The following VPS8 variants were observed in gnomAD, a reference collection of about 807,000 sequenced individuals.
VPS8 encodes vacuolar protein sorting-associated protein 8 homolog.
VPS8 carries 129 observed loss-of-function variants against 216.4 expected under a neutral mutation model. The ratio of observed to expected loss-of-function variants is 0.60; its 90% CI spans 0.52 to 0.69. The LOEUF is 0.69. Among genes scored for constraint, VPS8 ranks in the 30% least tolerant of loss-of-function variants. The pLI is 0.00. For synonymous variants in VPS8, 571 were observed against 565.4 expected (o/e 1.01, Z -0.14); for missense variants, 1,531 against 1,683.5 (o/e 0.91, Z 1.59).
At chr3:184,875,822 CAAAA>C (rs59957370) in intron 21 of VPS8, among the ~76,000 whole-genome samples, 3 of 72,544 alleles carry the variant, frequency 4.1e-5, no homozygotes, top group African/African-American at 1.1e-4. Context: ...CTTGTCTCTA[CAAAA>C]AAAAAAAAAA....
intron 15 of VPS8, 57 bp from the exon 16 acceptor site, chr3:184,862,840 C>T: frequency 6.5e-7 from 1 of 1,547,328 alleles, no homozygotes; most frequent in East Asian, 2.3e-5. Context: ...TCTTCTTGAC[C>T]CAAATGATGA....
intron 5 of VPS8, 195 bp downstream of exon 5, chr3:184,834,937 C>T (rs752199115): frequency 2.9e-4 from 135 of 459,912 alleles, no homozygotes; most frequent in Admixed American, 5.8e-4. Flanking sequence ...TTAGTGCAGC[C>T]ATGAAAATAA....
At chr3:185,009,823 G>T (rs1754752747) in intron 45 of VPS8, among the ~76,000 whole-genome samples, 1 of 151,998 alleles carries the variant, frequency 6.6e-6, no homozygotes, top group Non-Finnish European at 1.5e-5. Flanking sequence ...AGGGGACAGG[G>T]CTCAGAGTCC....
chr3:184,968,923 A>G lies in VPS8; in HGVS notation c.3316+2210A>G, dbSNP rs544346645. Among the ~76,000 whole-genome samples the G allele has an allele frequency of 2.2e-4, 33 of 152,284 alleles. No individual in the cohort carries two copies. In the South Asian group the frequency reaches 3.5e-3, roughly 16 times the overall value. On this transcript the variant is annotated intron_variant, in intron 39 of 47. Transcript: ENST00000625842. Reference sequence around the variant, plus strand: ...ATTAAGGTCCTAGATGATAGGGTCTATGTTGTTTTATGATCATCAGGTATT... The same window carrying G: ...ATTAAGGTCCTAGATGATAGGGTCTGTGTTGTTTTATGATCATCAGGTATT...
At chr3:184,855,939 T>C (rs1388870456) in intron 14 of VPS8, 121 bp downstream of exon 14, 1 of 715,886 alleles carries the variant, frequency 1.4e-6, no homozygotes, top group Non-Finnish European at 2.2e-6. Flanking sequence ...GTGACCTATT[T>C]AATTTTTATC....
chr3:184,849,692 A>G, intron 9 of VPS8: 1 of 489,570 alleles, frequency 2.0e-6, no homozygotes, highest in South Asian at 2.7e-5. Flanking sequence ...TTTGTCTCTC[A>G]GTATGAGAAC....
At chr3:185,031,962 G>A (rs565615038) in intron 46 of VPS8, among the ~76,000 whole-genome samples, 190 of 152,194 alleles carry the variant, frequency 1.2e-3, no homozygotes, top group African/African-American at 4.2e-3. Context: ...TCAGGAGTTC[G>A]AGACCAGCCT....
chr3:184,957,027 T>A (rs989509244), intron 36 of VPS8, among the ~76,000 whole-genome samples: 18 of 152,230 alleles, frequency 1.2e-4, no homozygotes, highest in Admixed American at 4.6e-4. Flanking sequence ...GGAAGATGGT[T>A]ATATATAGTT....
chr3:184,996,588 T>C, intron 44 of VPS8, 87 bp downstream of exon 44: 7 of 1,445,762 alleles, frequency 4.8e-6, no homozygotes, highest in Non-Finnish European at 6.5e-6. Flanking sequence ...ACACGGGTAG[T>C]CATTCTAGCA....
At chr3:184,892,201 T>C (rs933597467) in intron 22 of VPS8, among the ~76,000 whole-genome samples, 1 of 152,128 alleles carries the variant, frequency 6.6e-6, no homozygotes, top group South Asian at 2.1e-4. Flanking sequence ...ATATGAGAGC[T>C]ACAAATTTTT....
chr3:184,880,238 A>G (rs1730037703), intron 21 of VPS8, among the ~76,000 whole-genome samples: 1 of 152,292 alleles, frequency 6.6e-6, no homozygotes, highest in East Asian at 1.9e-4. Flanking sequence ...TGATATTGAT[A>G]AGGTAAAGAT....
rs552628831 is a variant in VPS8, at chr3:184,993,310, A to T, written c.3586-673A>T. ...ATCAACAGTGTTTACCTCTAGTTGG[A>T]TTTCAGTTTTTGGTGTGGTTTTTTG... is the stretch of plus-strand genomic sequence containing the variant. On this transcript the variant is annotated intron_variant, in intron 42 of 47. Transcript: ENST00000625842. Among the ~76,000 whole-genome samples the T allele has an allele frequency of 8.5e-5, 13 of 152,084 alleles. 1 individual carries two copies. The East Asian group carries it at 2.5e-3, about 29-fold the overall frequency.
rs528829224 is a variant in VPS8, at chr3:184,931,840, T to C, written c.2898+1272T>C. On this transcript the variant is annotated intron_variant, in intron 34 of 47. Coordinates refer to ENST00000625842, the MANE Select transcript of VPS8 (RefSeq NM_001009921.3). The stretch of plus-strand genomic sequence containing the variant: ...ATCCTCCTCTTTAAGTCTCCATGGT[T>C]ATATTATGATTCAGTTCTCATTTCA... Among the ~76,000 whole-genome samples, 6 of 152,264 alleles carry C rather than the reference T, an allele frequency of 3.9e-5. No homozygotes were observed. The South Asian group carries it at 1.2e-3, about 32-fold the overall frequency.
chr3:184,823,451 A>G (rs951779160), intron 1 of VPS8, among the ~76,000 whole-genome samples: 3 of 152,224 alleles, frequency 2.0e-5, no homozygotes, highest in African/African-American at 4.8e-5. Context: ...TACTAAGAGA[A>G]GCTCACTGCA....
intron 16 of VPS8, among the ~76,000 whole-genome samples, chr3:184,864,362 A>G (rs1393534898): frequency 4.6e-5 from 7 of 152,212 alleles, no homozygotes; most frequent in African/African-American, 1.7e-4. Flanking sequence ...GACAGAGCCA[A>G]GTTGCAGGAA....
chr3:184,889,308 G>A (rs992776808), intron 22 of VPS8, among the ~76,000 whole-genome samples: 1 of 152,016 alleles, frequency 6.6e-6, no homozygotes, highest in Non-Finnish European at 1.5e-5. Flanking sequence ...AATATTTGTT[G>A]TTGGAGATCT....
intron 23 of VPS8, 117 bp from the exon 24 acceptor site, chr3:184,898,448 A>G: frequency 6.2e-6 from 5 of 804,030 alleles, no homozygotes; most frequent in East Asian, 2.8e-5. Context: ...AGTTTTTATC[A>G]GAGAAGAAAC....
chr3:184,824,160 C>T (rs2108503985), intron 1 of VPS8: 1 of 154,250 alleles, frequency 6.5e-6, no homozygotes, highest in East Asian at 1.9e-4. Flanking sequence ...AACTGGAGCA[C>T]TACCCTGGGG....
At chr3:185,049,174 T>C (rs1027862948) in intron 47 of VPS8, among the ~76,000 whole-genome samples, 2 of 152,134 alleles carry the variant, frequency 1.3e-5, no homozygotes, top group African/African-American at 4.8e-5. Flanking sequence ...ACTGGGAAAA[T>C]TGATTTTTAT....
Sources: gnomAD v4.1 joint callset for allele counts (sites outside exome capture counted in the v4.1 genomes callset) on GRCh38, gnomAD v4.1.1 for gene constraint, MANE v1.5 for transcripts, NCBI Gene and HGNC (gene_info 2026-07-23, HGNC 2026-07-21) for gene names.